Variants in SLC2A13 observed in about 807,000 individuals in gnomAD.
The protein encoded by SLC2A13 is solute carrier family 2 member 13, also known as proton myo-inositol cotransporter.
In SLC2A13, 32 loss-of-function variants were observed where a neutral mutation model predicts 64.4. That is an observed-to-expected ratio of 0.50 (90% confidence interval 0.37 to 0.67). The LOEUF (loss-of-function observed/expected upper bound fraction) is 0.67. Ranked by LOEUF, SLC2A13 falls within the 30% of genes least tolerant of loss-of-function variation. The pLI is 0.00. For missense variants in SLC2A13, 743 were observed against 829.2 expected (o/e 0.90, Z 1.28); for synonymous variants, 338 against 327.1 (o/e 1.03, Z -0.36).
chr12:39,985,788 C>G (rs1947020332), intron 3 of SLC2A13, among the ~76,000 whole-genome samples: 1 of 152,146 alleles, frequency 6.6e-6, no homozygotes, highest in South Asian at 2.1e-4. Context: ...TTTCTGTTCT[C>G]TGCAGTAGGG....
At chr12:39,885,962 G>A (rs1313387246) in intron 4 of SLC2A13, among the ~76,000 whole-genome samples, 1 of 152,154 alleles carries the variant, frequency 6.6e-6, no homozygotes, top group Non-Finnish European at 1.5e-5. Flanking sequence ...CAGAGCAAAT[G>A]TTTTGTATAG....
chr12:39,875,217 C>G (rs946793447), intron 4 of SLC2A13, among the ~76,000 whole-genome samples: 5 of 152,204 alleles, frequency 3.3e-5, no homozygotes, highest in Admixed American at 2.0e-4. Context: ...AGCTCTGTCC[C>G]TTCCTGGAAG....
chr12:39,984,982 G>A (rs28370628), intron 3 of SLC2A13, among the ~76,000 whole-genome samples: 50,339 of 151,972 alleles, frequency 0.33, 8,529 homozygotes, highest in East Asian at 0.45. Context: ...CCATAAAAGC[G>A]AGAATATCAT....
At chr12:39,897,230 T>A (rs1376346902) in intron 4 of SLC2A13, among the ~76,000 whole-genome samples, 1 of 152,212 alleles carries the variant, frequency 6.6e-6, no homozygotes, top group Non-Finnish European at 1.5e-5. Context: ...GAAACCTACA[T>A]GACTAGCACA....
At chr12:39,968,734 T>TTTTTTGTTTTTATTTTTG (rs10634185) in intron 3 of SLC2A13, among the ~76,000 whole-genome samples, 1 of 131,258 alleles carries the variant, frequency 7.6e-6, no homozygotes, top group Admixed American at 7.8e-5. Context: ...CTGCCCTTTC[T>TTTTTTGTTTTTATTTTTG]TTTTTATTTT....
intron 4 of SLC2A13, among the ~76,000 whole-genome samples, chr12:39,930,381 G>A (rs1025921984): frequency 5.9e-5 from 9 of 151,960 alleles, no homozygotes; most frequent in South Asian, 2.1e-4. Context: ...CATCATCATC[G>A]TAATGAAAAT....
At chr12:39,878,140 A>C (rs1265518979) in intron 4 of SLC2A13, among the ~76,000 whole-genome samples, 1 of 152,206 alleles carries the variant, frequency 6.6e-6, no homozygotes, top group African/African-American at 2.4e-5. Context: ...GGAGTAAACC[A>C]ATTATACCTC....
At chr12:40,028,709 C>A (rs763393593) in intron 2 of SLC2A13, among the ~76,000 whole-genome samples, 200 bp from the exon 3 acceptor site, 7 of 152,102 alleles carry the variant, frequency 4.6e-5, no homozygotes, top group Non-Finnish European at 8.8e-5. Context: ...TGAGAAAAAT[C>A]TAATTATTTC....
chr12:39,924,821 C>T (rs1419833997), intron 4 of SLC2A13, among the ~76,000 whole-genome samples: 1 of 151,736 alleles, frequency 6.6e-6, no homozygotes, highest in African/African-American at 2.4e-5. Context: ...AGAAAGCTAA[C>T]TTGAGAAAAA....
In SLC2A13 at chr12:40,028,378, C is replaced by T. The variant is rs140268463; in HGVS notation, c.848G>A (p.Arg283His). The change falls in exon 3 of 10, where the codon CGT (arginine) becomes CAT (histidine). Residue 283 changes from arginine (R) to histidine (H), a missense_variant. By Grantham distance (29) the Arg-to-His change is conservative. Coordinates refer to ENST00000280871, the MANE Select transcript of SLC2A13 (RefSeq NM_052885.4). ...TTCCTCATCAATGGTCTGGTTACCACGCATCTGAGATAAAATTCTACGGGC... is the reference window on the plus strand; with the variant it reads ...TTCCTCATCAATGGTCTGGTTACCATGCATCTGAGATAAAATTCTACGGGC... ...QKARRILSQM[R>H]GNQTIDEEYD... 23 of 1,613,996 alleles carry T rather than the reference C, an allele frequency of 1.4e-5. 1 individual carries two copies. In the East Asian group the frequency reaches 1.6e-4, roughly 11 times the overall value.
intron 3 of SLC2A13, among the ~76,000 whole-genome samples, chr12:39,955,475 TAGAAA>T (rs140011761): frequency 0.092 from 13,996 of 151,712 alleles, 795 homozygotes; most frequent in East Asian, 0.2. Flanking sequence ...ATCCATGAAG[TAGAAA>T]AGAAGAGAGT....
chr12:39,963,286 C>CA (rs71434304), intron 3 of SLC2A13, among the ~76,000 whole-genome samples: 23,941 of 112,792 alleles, frequency 0.21, 3,045 homozygotes, highest in South Asian at 0.32. Context: ...GACTCCGTCT[C>CA]AAAAAAAAAA....
At chr12:40,085,375 G>A (rs1938556024) in intron 1 of SLC2A13, among the ~76,000 whole-genome samples, 6 of 152,174 alleles carry the variant, frequency 3.9e-5, no homozygotes, top group Admixed American at 3.3e-4. Context: ...ATTTGCAACC[G>A]GTGTCTGAAG....
intron 3 of SLC2A13, among the ~76,000 whole-genome samples, chr12:40,008,152 C>T (rs1947457650): frequency 6.6e-6 from 1 of 152,142 alleles, no homozygotes; most frequent in South Asian, 2.1e-4. Context: ...TATAGTAACA[C>T]ACCTGCTAAA....
chr12:39,789,159 A>C (rs1592138856), intron 7 of SLC2A13, among the ~76,000 whole-genome samples: 1 of 152,014 alleles, frequency 6.6e-6, no homozygotes, highest in East Asian at 1.9e-4. Flanking sequence ...TTCTGATAGG[A>C]TCCCTCCCTT....
intron 5 of SLC2A13, among the ~76,000 whole-genome samples, chr12:39,867,202 T>C (rs570925896): frequency 5.3e-5 from 8 of 152,214 alleles, no homozygotes; most frequent in Non-Finnish European, 1.0e-4. Flanking sequence ...CCATATCTTA[T>C]TGCCATGCAA....
At chr12:39,776,850 G>A (rs550528353) in intron 7 of SLC2A13, among the ~76,000 whole-genome samples, 10 of 152,290 alleles carry the variant, frequency 6.6e-5, no homozygotes, top group Middle Eastern at 3.4e-3. Flanking sequence ...GTGATGGCTA[G>A]GTTCTAAGAC....
chr12:39,972,306 G>A (rs77187454), intron 3 of SLC2A13, among the ~76,000 whole-genome samples: 2,554 of 151,932 alleles, frequency 0.017, 25 homozygotes, highest in Non-Finnish European at 0.028. Flanking sequence ...ATTCTATTGC[G>A]AAATGATCTC....
intron 3 of SLC2A13, among the ~76,000 whole-genome samples, chr12:39,960,289 CTA>C (rs1421066915): frequency 2.0e-5 from 3 of 152,218 alleles, no homozygotes; most frequent in Admixed American, 1.3e-4. Context: ...TTGGTGAACT[CTA>C]TTAATTCTAA....
Sources: allele counts gnomAD v4.1 joint callset (sites outside exome capture counted in the v4.1 genomes callset), GRCh38; gene constraint gnomAD v4.1.1; transcripts MANE v1.5; gene names NCBI Gene and HGNC (gene_info 2026-07-23, HGNC 2026-07-21).